The following ALPK1 variants were observed in gnomAD, a reference collection of about 807,000 sequenced individuals.
The protein encoded by ALPK1 is alpha-protein kinase 1.
In ALPK1, 110 loss-of-function variants were observed where a neutral mutation model predicts 120.6. The ratio of observed to expected loss-of-function variants is 0.91; its 90% confidence interval spans 0.78 to 1.07. The LOEUF (loss-of-function observed/expected upper bound fraction) is 1.07. Among genes scored for constraint, ALPK1 ranks in the 50% least tolerant of loss-of-function variants. ALPK1 has a pLI of 0.00. For synonymous variants in ALPK1, 582 were observed against 560.3 expected, an observed-to-expected ratio of 1.04 and a Z score of -0.55; for missense variants, 1,498 against 1,483.9, an observed-to-expected ratio of 1.01 and a Z score of -0.16.
At chr4:112,366,975 C>T (rs1042748893) in intron 2 of ALPK1, among the ~76,000 whole-genome samples, 1 of 152,174 alleles carries the variant, frequency 6.6e-6, no homozygotes, top group Non-Finnish European at 1.5e-5. Flanking sequence ...TATGTTCTCA[C>T]TCATAAGTGG....
intron 1 of ALPK1, among the ~76,000 whole-genome samples, chr4:112,309,534 G>A (rs1728302155): frequency 6.6e-6 from 1 of 152,058 alleles, no homozygotes; most frequent in Admixed American, 6.5e-5. Flanking sequence ...CGTGGGTGTG[G>A]GACCCTCCGA....
rs1578495932 is a variant in ALPK1 at position 112,357,516 on chromosome 4, G to A, written c.-100-20162G>A. The stretch of plus-strand genomic sequence containing the variant: ...TCAGTCCTGGCCACAGCATGCGCAA[G>A]CTGGTCTGTCAGGGCATCTGCTTTA... On this transcript the variant is annotated intron_variant, in intron 2 of 15. Transcript: ENST00000650871. The A allele has an allele frequency of 4.6e-6, 4 of 862,618 alleles. No homozygotes were observed. In the East Asian group the frequency reaches 7.6e-5, roughly 16 times the overall value. 53.4% of individuals were successfully genotyped at this position (862,618 alleles called of 1,614,324 possible).
intron 4 of ALPK1, chr4:112,411,609 T>C (rs1733466441): frequency 1.0e-5 from 6 of 585,962 alleles, no homozygotes; most frequent in Non-Finnish European, 1.8e-5. Context: ...ATTTTATAAA[T>C]GTAATGGGGG....
chr4:112,365,736 A>G (rs748430624), intron 2 of ALPK1, among the ~76,000 whole-genome samples: 5 of 152,080 alleles, frequency 3.3e-5, no homozygotes, highest in Non-Finnish European at 5.9e-5. Context: ...CAAAAAAGAG[A>G]CCGCATAGTC....
chr4:112,330,102 C>G (rs986966777), intron 2 of ALPK1, among the ~76,000 whole-genome samples: 1 of 152,192 alleles, frequency 6.6e-6, no homozygotes, highest in African/African-American at 2.4e-5. Flanking sequence ...CAGCTTGGGT[C>G]CTGGAAACCT....
At chr4:112,356,258 G>T (rs368413001) in intron 2 of ALPK1, 8 of 1,350,396 alleles carry the variant, frequency 5.9e-6, no homozygotes, top group African/African-American at 4.3e-5. Flanking sequence ...GGAGAGCCCC[G>T]CGGGCACAGG....
At chr4:112,404,455 G>C (rs1379450446) in intron 4 of ALPK1, among the ~76,000 whole-genome samples, 1 of 152,184 alleles carries the variant, frequency 6.6e-6, no homozygotes, top group Admixed American at 6.5e-5. Context: ...CACAAATGAG[G>C]TCATTGAGAA....
At chr4:112,349,115 A>T (rs927263124) in intron 2 of ALPK1, among the ~76,000 whole-genome samples, 1 of 152,070 alleles carries the variant, frequency 6.6e-6, no homozygotes, top group Admixed American at 6.5e-5. Flanking sequence ...GAAAAAGTCT[A>T]ATAAGTGGTC....
At chr4:112,393,593 A>AAGAG (rs561479362) in intron 4 of ALPK1, among the ~76,000 whole-genome samples, 1,958 of 152,092 alleles carry the variant, frequency 0.013, 36 homozygotes, top group South Asian at 0.03. Context: ...AAAGGAAGTG[A>AAGAG]AGAGAGAGAG....
chr4:112,350,984 T>C (rs543225014), intron 2 of ALPK1, among the ~76,000 whole-genome samples: 1 of 152,238 alleles, frequency 6.6e-6, no homozygotes, highest in South Asian at 2.1e-4. Context: ...CATTTTGAAG[T>C]CATCAGTGCA....
chr4:112,377,946 T>A (rs1731741060), intron 3 of ALPK1, 48 bp downstream of exon 3: 1 of 1,552,684 alleles, frequency 6.4e-7, no homozygotes, highest in Non-Finnish European at 8.8e-7. Flanking sequence ...AGGTTCACTC[T>A]CCTGTCCCCT....
intron 1 of ALPK1, among the ~76,000 whole-genome samples, chr4:112,302,833 C>T (rs1479595637): frequency 1.3e-5 from 2 of 152,202 alleles, no homozygotes; most frequent in Admixed American, 6.5e-5. Flanking sequence ...CCTCCATAGA[C>T]AAGCCTCTAC....
At chr4:112,319,458 C>A (rs1728772883) in intron 2 of ALPK1, among the ~76,000 whole-genome samples, 1 of 152,008 alleles carries the variant, frequency 6.6e-6, no homozygotes, top group Non-Finnish European at 1.5e-5. Context: ...GTGACTATGG[C>A]CTTATAGTCA....
intron 4 of ALPK1, among the ~76,000 whole-genome samples, chr4:112,399,784 T>G (rs1213561162): frequency 6.6e-6 from 1 of 152,132 alleles, no homozygotes; most frequent in South Asian, 2.1e-4. Flanking sequence ...GTGTGTGATG[T>G]TCCCCTCCCT....
chr4:112,357,418 G>A (rs1018372050), intron 2 of ALPK1: 2 of 696,274 alleles, frequency 2.9e-6, no homozygotes, highest in Admixed American at 2.2e-5. Flanking sequence ...GTCACCAGAG[G>A]GTGGTTCAGC....
intron 2 of ALPK1, among the ~76,000 whole-genome samples, chr4:112,324,221 GGAGGCT>G (rs1223955057): frequency 6.6e-6 from 1 of 152,018 alleles, no homozygotes; most frequent in Non-Finnish European, 1.5e-5. Flanking sequence ...CAGCTACTGG[GGAGGCT>G]GAGGCAGGAG....
At chr4:112,313,272 G>GAGGAGT (rs1357077484) in intron 1 of ALPK1, among the ~76,000 whole-genome samples, 8 of 152,210 alleles carry the variant, frequency 5.3e-5, no homozygotes, top group African/African-American at 1.4e-4. Context: ...CCAACATCAA[G>GAGGAGT]AGATCTAGAA....
At position 112,439,828 on chromosome 4, in the gene ALPK1, C is replaced by A; in HGVS notation, c.3494C>A (p.Ser1165Tyr). 1 of 1,609,514 alleles carries A rather than the reference C, an allele frequency of 6.2e-7. No individual in the cohort carries two copies. Among genetic ancestry groups the A allele is most frequent in the South Asian group, 1.1e-5 (1 of 90,094 alleles). ...TEYGLAYGHF[S>Y]YEFSNHRDVV... Reference sequence around the variant, plus strand: ...TATGGCTTGGCCTATGGCCATTTTTCTTATGAGTTTTCTAATCATAGAGAT... The same window carrying A: ...TATGGCTTGGCCTATGGCCATTTTTATTATGAGTTTTCTAATCATAGAGAT... The change falls in exon 14 of 16, where the codon TCT (serine) becomes TAT (tyrosine). Residue 1165 changes from serine (S) to tyrosine (Y), a missense_variant. Physicochemically the swap from Ser to Tyr is moderately radical, Grantham distance 144. Coordinates refer to ENST00000650871, the MANE Select transcript of ALPK1 (RefSeq NM_025144.4).
chr4:112,299,304 C>A (rs1394713929), intron 1 of ALPK1, among the ~76,000 whole-genome samples: 1 of 152,082 alleles, frequency 6.6e-6, no homozygotes, highest in Non-Finnish European at 1.5e-5. Context: ...CAGATACATA[C>A]AAATACAACT....
Sources: allele counts gnomAD v4.1 joint callset (sites outside exome capture counted in the v4.1 genomes callset), GRCh38; gene constraint gnomAD v4.1.1; transcripts MANE v1.5; gene names NCBI Gene and HGNC (gene_info 2026-07-23, HGNC 2026-07-21).